FNDC1: variants seen among roughly 807,000 people sequenced by gnomAD.
FNDC1 encodes the protein fibronectin type III domain containing 1.
A neutral mutation model predicts 168.0 loss-of-function variants in FNDC1; 96 were observed. The observed-to-expected ratio is 0.57, with a 90% CI of 0.48 to 0.68. FNDC1 has a LOEUF of 0.68. FNDC1 is among the 30% of genes least tolerant of loss of function. FNDC1 has a pLI of 0.00. For synonymous variants in FNDC1, 1,099 were observed against 1,025.9 expected (o/e 1.07, Z -1.36); for missense variants, 2,587 against 2,482.1 (o/e 1.04, Z -0.90).
intron 15 of FNDC1, among the ~76,000 whole-genome samples, chr6:159,248,739 T>C (rs1777191088): frequency 6.6e-6 from 1 of 152,244 alleles, no homozygotes; most frequent in African/African-American, 2.4e-5. Context: ...GGATGGATTC[T>C]AAGGTTCTCT....
intron 4 of FNDC1, among the ~76,000 whole-genome samples, chr6:159,214,101 G>A (rs1474938881): frequency 1.3e-5 from 2 of 152,204 alleles, no homozygotes; most frequent in Non-Finnish European, 1.5e-5. Context: ...AATTAAAGAG[G>A]TGCTCCTTAG....
intron 22 of FNDC1, among the ~76,000 whole-genome samples, chr6:159,269,645 A>G (rs1777701997): frequency 8.9e-6 from 1 of 112,798 alleles, no homozygotes; most frequent in Non-Finnish European, 2.0e-5. Flanking sequence ...CTATCTATCT[A>G]TCTATCTTAT....
At chr6:159,170,881 T>C (rs1781640703) in intron 1 of FNDC1, among the ~76,000 whole-genome samples, 2 of 152,166 alleles carry the variant, frequency 1.3e-5, no homozygotes, top group Non-Finnish European at 2.9e-5. Flanking sequence ...TGCACAGTAC[T>C]TGAGAGGAAT....
intron 1 of FNDC1, among the ~76,000 whole-genome samples, chr6:159,186,801 G>A (rs754794825): frequency 7.2e-5 from 11 of 152,220 alleles, no homozygotes; most frequent in Admixed American, 2.0e-4. Context: ...TTAAGGATTG[G>A]CCAATGTTTC....
chr6:159,200,326 C>T (rs796751819), intron 3 of FNDC1, among the ~76,000 whole-genome samples, 187 bp from the exon 4 acceptor site: 3 of 152,300 alleles, frequency 2.0e-5, no homozygotes, highest in African/African-American at 7.2e-5. Flanking sequence ...ACTGAGTAAA[C>T]CATGTGTAAA....
At position 159,232,794 on chromosome 6, in the gene FNDC1, C is replaced by T. The variant is rs768254891; in HGVS notation, c.2282C>T (p.Ser761Phe). The T allele has an allele frequency of 3.1e-6, 5 of 1,613,846 alleles. No homozygotes were observed. The Admixed American group carries it at 5.0e-5, about 16-fold the overall frequency. Residue 761 changes from serine to phenylalanine, a missense_variant, in exon 11 of 23, where the codon TCC (serine) becomes TTC (phenylalanine). Transcript: ENST00000297267. This position sits in a 1 kb window ranked among gnomAD's most constrained non-coding sequence, Gnocchi z 4.9. ...ACCAACTCCAATGCGCCATCACGGTCCACCATGTCCTCCTCCGTCTCTTCT... is the reference window on the plus strand; with the variant it reads ...ACCAACTCCAATGCGCCATCACGGTTCACCATGTCCTCCTCCGTCTCTTCT... ...PATNSNAPSR[S>F]TMSSSVSSHL...
In FNDC1 at chr6:159,249,108, T is replaced by C; in HGVS notation, c.4760T>C (p.Val1587Ala). 6.2e-7 allele frequency: 1 copy of C among 1,609,056 alleles called. No individual in the cohort carries two copies. The highest frequency in any genetic ancestry group is 8.5e-7 in the Non-Finnish European group (1 of 1,177,628). The change falls in exon 16 of 23, where the codon GTG becomes GCG. Residue 1587 changes from valine to alanine, a missense_variant. Val to Ala is a moderately conservative substitution (Grantham distance 64). Coordinates refer to ENST00000297267, the MANE Select transcript of FNDC1 (RefSeq NM_032532.3). ...TCGACCACTGCTACCACACCGAGGG[T>C]GATCCCAGAGGAAGGCGCCATCAGT... The part of the protein sequence containing the change: ...EPSTTATTPR[V>A]IPEEGAISSF...
At chr6:159,172,816 A>C (rs75057698) in intron 1 of FNDC1, among the ~76,000 whole-genome samples, 1,704 of 152,330 alleles carry the variant, frequency 0.011, 39 homozygotes, top group African/African-American at 0.039. Context: ...GGCTATTGAA[A>C]TAGTTGTCCA....
intron 14 of FNDC1, among the ~76,000 whole-genome samples, chr6:159,242,482 G>C (rs1464883975): frequency 2.0e-5 from 3 of 151,928 alleles, no homozygotes; most frequent in Non-Finnish European, 2.9e-5. Flanking sequence ...CTGTACCCCA[G>C]AACTTAAAAA....
intron 14 of FNDC1, among the ~76,000 whole-genome samples, chr6:159,244,380 C>G (rs1783495413): frequency 6.6e-6 from 1 of 152,190 alleles, no homozygotes; most frequent in African/African-American, 2.4e-5. Flanking sequence ...TAATTTACAA[C>G]TTCTCTCTGC....
chr6:159,218,007 G>A (rs867275006), intron 5 of FNDC1, among the ~76,000 whole-genome samples: 6 of 152,160 alleles, frequency 3.9e-5, no homozygotes, highest in South Asian at 2.1e-4. Flanking sequence ...GGTGATGCGG[G>A]CCAAATTCTG....
intron 5 of FNDC1, among the ~76,000 whole-genome samples, chr6:159,218,806 A>G (rs1438416087): frequency 6.6e-6 from 1 of 152,166 alleles, no homozygotes; most frequent in Admixed American, 6.5e-5. Context: ...AAAGACTTGC[A>G]GCCGGAGGGG....
chr6:159,200,589 T>A lies in FNDC1; in HGVS notation c.460+8T>A. The A allele has an allele frequency of 6.3e-7, 1 of 1,579,960 alleles. No individual in the cohort carries two copies. The highest frequency in any genetic ancestry group is 8.6e-7 in the Non-Finnish European group (1 of 1,160,200). On this transcript the variant is annotated splice_region_variant and intron_variant, in intron 4 of 22. Transcript: ENST00000297267. ...TTAATGAAACCGTCACAGGTACTACTTCCTCCTTCATGTCAGATTCATGTT... is the reference window on the plus strand; with the variant it reads ...TTAATGAAACCGTCACAGGTACTACATCCTCCTTCATGTCAGATTCATGTT...
At chr6:159,257,807 C>G (rs897326083) in intron 18 of FNDC1, among the ~76,000 whole-genome samples, 3 of 151,436 alleles carry the variant, frequency 2.0e-5, no homozygotes, top group Admixed American at 1.3e-4. Flanking sequence ...TGAGAAAGCA[C>G]TTTTTTAAAA....
At chr6:159,205,755 T>A (rs1250266354) in intron 4 of FNDC1, among the ~76,000 whole-genome samples, 5 of 152,254 alleles carry the variant, frequency 3.3e-5, no homozygotes, top group Admixed American at 3.3e-4. Flanking sequence ...TGAATGATGC[T>A]AAGCTTTGTG....
At chr6:159,254,568 C>T (rs185708819) in intron 17 of FNDC1, among the ~76,000 whole-genome samples, 13 of 151,882 alleles carry the variant, frequency 8.6e-5, no homozygotes, top group Admixed American at 5.2e-4. Flanking sequence ...ATTAGCTGGG[C>T]GTGGTGGTGG....
chr6:159,218,425 G>A (rs1782748458), intron 5 of FNDC1: 1 of 152,304 alleles, frequency 6.6e-6, no homozygotes, highest in Non-Finnish European at 1.5e-5. Flanking sequence ...CCGTGAGGAG[G>A]AGGGCTCCTG....
In FNDC1 at chr6:159,186,273, T is replaced by C. The variant is rs184065271; in HGVS notation, c.110-11158T>C. Among the ~76,000 whole-genome samples, 161 of 152,352 alleles carry C rather than the reference T, an allele frequency of 1.1e-3. 1 individual carries two copies. The highest frequency in any genetic ancestry group is 1.4e-3 in the Non-Finnish European group (93 of 68,032). On this transcript the variant is annotated intron_variant, in intron 1 of 22. Transcript: ENST00000297267. ...AAAGGGAATAATGAAAGATAAACTA[T>C]ATTAATGAATATTCTTTCTCTTTGC...
Position 159,249,045 on chromosome 6 carries a change from A to C in FNDC1, c.4697A>C (p.Glu1566Ala), listed in dbSNP as rs1777200270. 3.1e-6 allele frequency: 5 copies of C among 1,596,812 alleles called. No homozygotes were observed. The East Asian group carries it at 1.1e-4, about 36-fold the overall frequency. ...EAYVIYDEDYEFETSRPPTTT... is the reference protein window; with the variant it reads ...EAYVIYDEDYAFETSRPPTTT... ...AGCCTTCATATCATTTCAGATTATG[A>C]ATTTGAGACGTCAAGGCCACCAACC... Residue 1566 changes from glutamate (E) to alanine (A), a missense_variant, in exon 16 of 23, where the codon GAA becomes GCA. By Grantham distance (107) the Glu-to-Ala change is moderately radical. Transcript: ENST00000297267.
Sources: allele counts gnomAD v4.1 joint callset (sites outside exome capture counted in the v4.1 genomes callset), GRCh38; gene constraint gnomAD v4.1.1; non-coding constraint Gnocchi (gnomAD v3.1); transcripts MANE v1.5; gene names NCBI Gene and HGNC (gene_info 2026-07-23, HGNC 2026-07-21).